Variants in CDH18 observed in about 807,000 individuals in gnomAD.
CDH18 encodes cadherin 18, also known as cadherin-18.
In CDH18, 31 loss-of-function variants were observed where a neutral mutation model predicts 67.9. The observed-to-expected ratio is 0.46, with a 90% CI of 0.34 to 0.62. The LOEUF is 0.62. Ranked by LOEUF, CDH18 falls within the 20% of genes least tolerant of loss-of-function variation. CDH18 has a pLI of 0.01. For missense variants in CDH18, 890 were observed against 975.5 expected (o/e 0.91, Z 1.17); for synonymous variants, 362 against 347.2 (o/e 1.04, Z -0.48).
intron 1 of CDH18, among the ~76,000 whole-genome samples, chr5:20,419,233 C>T (rs1333503294): frequency 2.6e-5 from 4 of 151,982 alleles, no homozygotes; most frequent in Non-Finnish European, 5.9e-5. Flanking sequence ...TTGTCTGCTG[C>T]TATGATTCTG....
At chr5:19,689,647 T>A (rs1235586707) in intron 5 of CDH18, among the ~76,000 whole-genome samples, 1 of 151,762 alleles carries the variant, frequency 6.6e-6, no homozygotes, top group African/African-American at 2.4e-5. Flanking sequence ...AACTCCAATG[T>A]TACCACTACA....
chr5:20,545,579 C>A (rs927319186), intron 1 of CDH18, among the ~76,000 whole-genome samples: 1 of 152,190 alleles, frequency 6.6e-6, no homozygotes, highest in African/African-American at 2.4e-5. Flanking sequence ...CCAAGATATA[C>A]GTTGGCACCC....
chr5:19,846,445 A>G (rs149082630), intron 2 of CDH18, among the ~76,000 whole-genome samples: 2,388 of 152,218 alleles, frequency 0.016, 63 homozygotes, highest in East Asian at 0.12. Context: ...ACATCATTCC[A>G]GCATTCTGTT....
At chr5:20,133,576 T>A (rs773396964) in intron 2 of CDH18, among the ~76,000 whole-genome samples, 4 of 152,154 alleles carry the variant, frequency 2.6e-5, no homozygotes, top group Non-Finnish European at 4.4e-5. Flanking sequence ...TTTGTTTTCT[T>A]TACTCTTATA....
intron 1 of CDH18, among the ~76,000 whole-genome samples, chr5:20,474,111 G>T (rs61001839): frequency 0.055 from 8,357 of 151,826 alleles, 761 homozygotes; most frequent in African/African-American, 0.19. Flanking sequence ...TACCTTTGAG[G>T]TGTTAGATCA....
At chr5:20,302,465 A>G (rs1399512394) in intron 1 of CDH18, among the ~76,000 whole-genome samples, 1 of 152,146 alleles carries the variant, frequency 6.6e-6, no homozygotes, top group Non-Finnish European at 1.5e-5. Context: ...AGCATCCTGT[A>G]ACAGTACAAG....
chr5:20,456,848 G>A (rs1406897961), intron 1 of CDH18, among the ~76,000 whole-genome samples: 1 of 152,114 alleles, frequency 6.6e-6, no homozygotes, highest in Non-Finnish European at 1.5e-5. Flanking sequence ...GACAGTGAAG[G>A]AAATGCTGCT....
chr5:20,398,363 T>A (rs1481131341), intron 1 of CDH18, among the ~76,000 whole-genome samples: 5 of 152,168 alleles, frequency 3.3e-5, no homozygotes, highest in African/African-American at 1.2e-4. Flanking sequence ...CTAAATTAAT[T>A]TAGTTTAAAT....
At chr5:19,654,551 A>G (rs974868314) in intron 5 of CDH18, among the ~76,000 whole-genome samples, 5 of 152,102 alleles carry the variant, frequency 3.3e-5, no homozygotes, top group African/African-American at 1.2e-4. Context: ...GGAAAGTGCT[A>G]TTGGGCTCCG....
intron 2 of CDH18, among the ~76,000 whole-genome samples, chr5:20,060,120 A>T (rs1442581423): frequency 6.6e-6 from 1 of 152,192 alleles, no homozygotes; most frequent in East Asian, 1.9e-4. Flanking sequence ...AAGTTAAAAT[A>T]TAATAAAAAA....
chr5:19,991,192 T>C (rs540710674), upstream of CDH18, among the ~76,000 whole-genome samples: 23 of 152,290 alleles, frequency 1.5e-4, no homozygotes, highest in East Asian at 4.4e-3. Flanking sequence ...ATTTAGCAAG[T>C]TATGTGATGT....
intron 1 of CDH18, among the ~76,000 whole-genome samples, chr5:20,566,360 C>CTTTTTTTTTTTTTTTTTTTT (rs529048391): frequency 1.7e-5 from 2 of 119,268 alleles, no homozygotes; most frequent in African/African-American, 3.4e-5. Context: ...TTTTCTTTTT[C>CTTTTTTTTTTTTTTTTTTTT]TTTTTTTTTT....
At chr5:20,080,173 T>C (rs1293127383) in intron 2 of CDH18, among the ~76,000 whole-genome samples, 1 of 152,198 alleles carries the variant, frequency 6.6e-6, no homozygotes, top group Non-Finnish European at 1.5e-5. Context: ...CTGTCCTCTA[T>C]ATTGTGGTCT....
At chr5:19,696,567 T>C (rs1762572524) in intron 5 of CDH18, among the ~76,000 whole-genome samples, 2 of 151,734 alleles carry the variant, frequency 1.3e-5, no homozygotes, top group Admixed American at 1.3e-4. Flanking sequence ...CTGATGTTTT[T>C]GAATTTTTAG....
chr5:19,565,976 C>T (rs1740314250), intron 8 of CDH18, among the ~76,000 whole-genome samples: 1 of 151,828 alleles, frequency 6.6e-6, no homozygotes, highest in South Asian at 2.1e-4. Context: ...TCCATATGAC[C>T]AGGGATTAAT....
chr5:20,500,426 T>C (rs767668590), intron 1 of CDH18, among the ~76,000 whole-genome samples: 3 of 152,164 alleles, frequency 2.0e-5, no homozygotes, highest in Non-Finnish European at 4.4e-5. Flanking sequence ...CAAATATCCC[T>C]GGACTATAAC....
intron 1 of CDH18, among the ~76,000 whole-genome samples, chr5:20,417,932 C>A (rs1231854203): frequency 6.6e-6 from 1 of 152,144 alleles, no homozygotes; most frequent in East Asian, 1.9e-4. Flanking sequence ...AACCTAAGCA[C>A]TTTTCACGTA....
At chr5:20,508,873 CA>C (rs1283338229) in intron 1 of CDH18, among the ~76,000 whole-genome samples, 1 of 151,824 alleles carries the variant, frequency 6.6e-6, no homozygotes, top group Non-Finnish European at 1.5e-5. Context: ...TATCTCTGCC[CA>C]AATAATAGAA....
At chr5:20,229,305 A>G (rs1308828369) in intron 2 of CDH18, among the ~76,000 whole-genome samples, 1 of 152,090 alleles carries the variant, frequency 6.6e-6, no homozygotes, top group African/African-American at 2.4e-5. Flanking sequence ...CCCAATTATT[A>G]TTATTATGTG....
Sources: gnomAD v4.1 joint callset for allele counts (sites outside exome capture counted in the v4.1 genomes callset) on GRCh38, gnomAD v4.1.1 for gene constraint, MANE v1.5 for transcripts, NCBI Gene and HGNC (gene_info 2026-07-23, HGNC 2026-07-21) for gene names.